STAU1: variants seen among roughly 807,000 people sequenced by gnomAD.
STAU1 encodes the protein staufen double-stranded RNA binding protein 1.
A neutral mutation model predicts 62.9 loss-of-function variants in STAU1; 13 were observed. The ratio of observed to expected loss-of-function variants is 0.21; its 90% confidence interval spans 0.13 to 0.33. The LOEUF is 0.33. Among genes scored for constraint, STAU1 ranks in the 10% least tolerant of loss-of-function variants. The probability of loss-of-function intolerance (pLI) is 1.00; values close to 1 mark genes in which losing one functional copy is unlikely to be tolerated. For synonymous variants in STAU1, 269 were observed against 265.1 expected (o/e 1.01, Z -0.14); for missense variants, 571 against 712.1 (o/e 0.80, Z 2.25).
At chr20:49,198,809 A>G in the STAU1 span, among the ~76,000 whole-genome samples, 5 of 152,132 alleles carry the variant, frequency 3.3e-5, no homozygotes, top group South Asian at 1.0e-3. Context: ...TAGAAATACA[A>G]AAAATTAGCT....
intron 8 of STAU1, 145 bp downstream of exon 8, chr20:49,122,947 A>T: frequency 1.5e-6 from 1 of 662,148 alleles, no homozygotes; most frequent in East Asian, 3.8e-5. Context: ...ATAAATAAAT[A>T]AATAAATAAG....
At chr20:49,169,149 C>T (rs962533355) in intron 2 of STAU1, among the ~76,000 whole-genome samples, 1 of 151,970 alleles carries the variant, frequency 6.6e-6, no homozygotes, top group African/African-American at 2.4e-5. Flanking sequence ...AGCGTTTCAC[C>T]ATGCTGGCCA....
At chr20:49,206,728 T>TATATATATATATAC in the STAU1 span, among the ~76,000 whole-genome samples, 1 of 80,862 alleles carries the variant, frequency 1.2e-5, no homozygotes, top group South Asian at 3.2e-4. Flanking sequence ...TTTATATATA[T>TATATATATATATAC]ATATATATAT....
rs377251922 is a variant in STAU1, at chr20:49,126,333, G to A, written c.610-1746C>T. On this transcript the variant is annotated intron_variant, in intron 6 of 13. Transcript: ENST00000371856. Reference sequence around the variant, plus strand: ...TCCCAACGCTCTGGGAGGCCAGGGTGGGAGGATCACTTGAGCTCAGAAGTT... The same window carrying A: ...TCCCAACGCTCTGGGAGGCCAGGGTAGGAGGATCACTTGAGCTCAGAAGTT... Among the ~76,000 whole-genome samples the A allele has an allele frequency of 9.9e-5, 15 of 151,780 alleles. 1 individual carries two copies. The highest frequency in any genetic ancestry group is 8.3e-4 in the South Asian group (4 of 4,816).
the STAU1 span, among the ~76,000 whole-genome samples, chr20:49,209,963 C>G: frequency 6.6e-6 from 1 of 152,028 alleles, no homozygotes; most frequent in Non-Finnish European, 1.5e-5. Flanking sequence ...GCAGGAGAAT[C>G]CCTTGAACCT....
intron 3 of STAU1, among the ~76,000 whole-genome samples, chr20:49,164,460 A>AT (rs34364571): frequency 0.32 from 46,875 of 145,676 alleles, 8,543 homozygotes; most frequent in Middle Eastern, 0.46. Context: ...CAATTTTTGT[A>AT]TTTTTTTTTT....
Position 49,135,852 on chromosome 20 carries a change from T to A in STAU1, c.590A>T (p.Asn197Ile). 1 of 1,613,644 alleles carries A rather than the reference T, an allele frequency of 6.2e-7. No individual in the cohort carries two copies. Among genetic ancestry groups the A allele is most frequent in the Non-Finnish European group, 8.5e-7 (1 of 1,179,860 alleles). ...GCTTACCTCGAAATTCACAGGCAAG[T>A]TCCGTTTAAGTGCAATCTCAAACAC... ...SQVFEIALKR[N>I]LPVNFEVARE... The change falls in exon 6 of 14, where the codon AAC becomes ATC. Residue 197 changes from asparagine (N) to isoleucine (I), a missense_variant. This residue lies in a region of STAU1 where 414 missense variants were observed against 499.6 expected (regional missense o/e 0.83). Transcript: ENST00000371856.
At chr20:49,165,958 A>C in intron 3 of STAU1, 39 bp downstream of exon 3, 4 of 1,603,596 alleles carry the variant, frequency 2.5e-6, no homozygotes, top group Non-Finnish European at 3.4e-6. Context: ...AGGGTAAGAA[A>C]ACATTTGAAA....
intron 6 of STAU1, among the ~76,000 whole-genome samples, chr20:49,130,582 C>T (rs1345419893): frequency 1.3e-5 from 2 of 152,032 alleles, no homozygotes; most frequent in African/African-American, 4.8e-5. Flanking sequence ...TGGAGTAATA[C>T]TTTGGGTTTA....
rs1275646950 is a variant in STAU1, at chr20:49,117,625, T to C, written c.1509+152A>G. ...ACCACATATGCTTACAATACTTCTA[T>C]ACCTCCTACCCTTCCATCACTGCTC... On this transcript the variant is annotated intron_variant, in intron 11 of 13. Coordinates refer to ENST00000371856, the MANE Select transcript of STAU1 (RefSeq NM_017453.4). The surrounding 1 kb of genome is among the most constrained non-coding windows in gnomAD (Gnocchi z 4.6). 2.7e-6 allele frequency: 2 copies of C among 749,202 alleles called. No homozygotes were observed. Among genetic ancestry groups the C allele is most frequent in the East Asian group, 2.7e-5 (1 of 37,094 alleles). The allele number at this position is 749,202 out of a possible 1,614,324, so 46.4% of individuals were successfully genotyped here.
chr20:49,166,021 T>C lies in STAU1; in HGVS notation c.181A>G (p.Ile61Val), dbSNP rs751297157. The change falls in exon 3 of 14, where the codon ATT (isoleucine) becomes GTT (valine). Residue 61 changes from isoleucine to valine, a missense_variant. Around this residue, in one of 3 missense-constraint regions of STAU1, gnomAD observed 414 missense variants for 499.6 expected, o/e 0.83. Transcript: ENST00000371856. ...CCTGCAGCTGCACTGGTGGATGTAA[T>C]AGATGCAGAGGGTAAAGCAGAGTTT... ...IQNSALPSAS[I>V]TSTSAAAESI... 52 of 1,614,068 alleles carry C rather than the reference T, an allele frequency of 3.2e-5. No homozygotes were observed. The highest frequency in any genetic ancestry group is 1.3e-4 in the South Asian group (12 of 91,088).
At chr20:49,189,076 C>T (rs1460563454), upstream of STAU1, among the ~76,000 whole-genome samples, 1 of 151,578 alleles carries the variant, frequency 6.6e-6, no homozygotes, top group Non-Finnish European at 1.5e-5. Context: ...TGGCGGGCGC[C>T]TGTAGGTAAA....
At chr20:49,123,040 C>G (rs2092503202) in intron 8 of STAU1, 52 bp downstream of exon 8, 2 of 1,514,132 alleles carry the variant, frequency 1.3e-6, no homozygotes, top group African/African-American at 2.8e-5. Context: ...CATCAGCCCC[C>G]AAGGCTGGAC....
intron 5 of STAU1, among the ~76,000 whole-genome samples, chr20:49,148,420 G>A (rs896793703): frequency 1.4e-4 from 21 of 152,146 alleles, no homozygotes; most frequent in South Asian, 6.2e-4. Flanking sequence ...ATCCCATTAC[G>A]TATGATGGAA....
At chr20:49,204,653 T>C in the STAU1 span, among the ~76,000 whole-genome samples, 4 of 46,002 alleles carry the variant, frequency 8.7e-5, no homozygotes, top group African/African-American at 2.7e-4. Context: ...TATATTTTTT[T>C]TTTTTTTTTT....
intron 3 of STAU1, among the ~76,000 whole-genome samples, chr20:49,165,067 C>G (rs764848233): frequency 6.6e-6 from 1 of 151,998 alleles, no homozygotes; most frequent in African/African-American, 2.4e-5. Flanking sequence ...ATTTTTGAGA[C>G]GGAGTCTTGC....
chr20:49,180,725 G>A (rs962785754), intron 1 of STAU1, among the ~76,000 whole-genome samples: 1 of 152,154 alleles, frequency 6.6e-6, no homozygotes, highest in Non-Finnish European at 1.5e-5. Flanking sequence ...CAAACCTGTG[G>A]ATCAGCTTTA....
Position 49,128,296 on chromosome 20 carries a change from A to C in STAU1, c.610-3709T>G, listed in dbSNP as rs1343490126. On this transcript the variant is annotated intron_variant, in intron 6 of 13. Transcript: ENST00000371856. ...AGGTGAGATCATGCCACTGCACTACAGCCCGGGTACCAAGTGAGTTCTTTT... is the reference window on the plus strand; with the variant it reads ...AGGTGAGATCATGCCACTGCACTACCGCCCGGGTACCAAGTGAGTTCTTTT... Among the ~76,000 whole-genome samples, 3 of 152,208 alleles carry C rather than the reference A, an allele frequency of 2.0e-5. No homozygotes were observed. In the East Asian group the frequency reaches 5.8e-4, roughly 29 times the overall value.
intron 6 of STAU1, among the ~76,000 whole-genome samples, chr20:49,127,162 G>A (rs906480070): frequency 1.3e-5 from 2 of 151,928 alleles, no homozygotes; most frequent in Non-Finnish European, 2.9e-5. Flanking sequence ...AGATCAGCCT[G>A]GCCAACATAG....
Sources: allele counts gnomAD v4.1 joint callset (sites outside exome capture counted in the v4.1 genomes callset), GRCh38; gene constraint gnomAD v4.1.1; regional missense constraint gnomAD v4.1.1; non-coding constraint Gnocchi (gnomAD v3.1); transcripts MANE v1.5; gene names NCBI Gene and HGNC (gene_info 2026-07-23, HGNC 2026-07-21).